Variants in MBD5 observed in about 807,000 individuals in gnomAD.
MBD5 encodes the protein methyl-CpG binding domain protein 5.
Under a neutral mutation model 117.3 loss-of-function variants are expected in MBD5, and 13 were observed. The ratio of observed to expected loss-of-function variants is 0.11; its 90% CI spans 0.07 to 0.18. MBD5 has a LOEUF of 0.18. Among genes scored for constraint, MBD5 ranks in the 10% least tolerant of loss-of-function variants. The pLI, the probability that MBD5 is intolerant of heterozygous loss-of-function variation, is 1.00. For missense variants in MBD5, 1,879 were observed against 2,093.8 expected (o/e 0.90, Z 2.00); for synonymous variants, 727 against 766.4 (o/e 0.95, Z 0.85).
intron 3 of MBD5, among the ~76,000 whole-genome samples, chr2:148,338,831 G>A (rs938701628): frequency 6.6e-6 from 1 of 152,100 alleles, no homozygotes; most frequent in Non-Finnish European, 1.5e-5. Context: ...AAGCTTTAAG[G>A]GACAGGCAGA....
chr2:148,322,288 T>G (rs1460855740), intron 3 of MBD5, among the ~76,000 whole-genome samples: 1 of 152,244 alleles, frequency 6.6e-6, no homozygotes, highest in Non-Finnish European at 1.5e-5. Flanking sequence ...CGTTCAAGTC[T>G]AAAGTAGAAT....
intron 2 of MBD5, among the ~76,000 whole-genome samples, chr2:148,211,147 A>C (rs567689052): frequency 7.9e-5 from 12 of 152,260 alleles, no homozygotes; most frequent in African/African-American, 2.9e-4. Flanking sequence ...ATTGAGATAG[A>C]TTTAGGGGGA....
chr2:148,105,948 T>C (rs1464850816), intron 1 of MBD5, among the ~76,000 whole-genome samples: 1 of 152,166 alleles, frequency 6.6e-6, no homozygotes, highest in East Asian at 1.9e-4. Flanking sequence ...TCTAGTTATA[T>C]TTTTGTTAAT....
At chr2:148,272,735 G>C (rs1312725853) in intron 3 of MBD5, among the ~76,000 whole-genome samples, 1 of 151,968 alleles carries the variant, frequency 6.6e-6, no homozygotes, top group African/African-American at 2.4e-5. Context: ...TCTATAGATT[G>C]TCTCTTCACT....
intron 1 of MBD5, among the ~76,000 whole-genome samples, chr2:148,143,990 A>G (rs1414661175): frequency 1.3e-5 from 2 of 152,132 alleles, no homozygotes; most frequent in Non-Finnish European, 2.9e-5. Flanking sequence ...GCTGGGTCAA[A>G]TGGTATTTCT....
chr2:148,476,278 C>T (rs187220899), intron 8 of MBD5, among the ~76,000 whole-genome samples: 63 of 152,298 alleles, frequency 4.1e-4, no homozygotes, highest in African/African-American at 1.3e-3. Context: ...AGGCCTGATC[C>T]TAAAGCAGTA....
At chr2:148,388,722 T>C (rs1010693722) in intron 4 of MBD5, among the ~76,000 whole-genome samples, 5 of 152,204 alleles carry the variant, frequency 3.3e-5, no homozygotes, top group Non-Finnish European at 7.3e-5. Flanking sequence ...TCTTCTCACA[T>C]GACCTTTTCT....
intron 4 of MBD5, among the ~76,000 whole-genome samples, chr2:148,369,310 A>G (rs1055718856): frequency 1.3e-5 from 2 of 152,066 alleles, no homozygotes; most frequent in Admixed American, 6.5e-5. Flanking sequence ...TTTTTTTTCA[A>G]TCTATAAAAT....
intron 1 of MBD5, among the ~76,000 whole-genome samples, chr2:148,103,646 C>T (rs1696290542): frequency 1.3e-5 from 2 of 152,150 alleles, no homozygotes; most frequent in African/African-American, 4.8e-5. Context: ...CCACCTTTTC[C>T]ATCCCATCAT....
At chr2:148,470,529 C>A in intron 8 of MBD5, 68 bp downstream of exon 8, 1 of 1,214,358 alleles carries the variant, frequency 8.2e-7, no homozygotes, top group Non-Finnish European at 1.1e-6. Context: ...AAATTTGTAC[C>A]AAAATATTTA....
rs552334974 is a variant in MBD5 at position 148,277,565 on chromosome 2, G to A, written c.-680+44170G>A. Among the ~76,000 whole-genome samples, 118 of 152,174 alleles carry A rather than the reference G, an allele frequency of 7.8e-4. 1 individual carries two copies. The highest frequency in any genetic ancestry group is 1.3e-3 in the Non-Finnish European group (91 of 67,984). On this transcript the variant is annotated intron_variant, in intron 3 of 13. Coordinates refer to ENST00000642680, the MANE Select transcript of MBD5 (RefSeq NM_001378120.1). ...TAGTCTCTTGAACTCTTTGCCTCAA[G>A]CAATGTAGTTTTTTATCTCTACTTT...
At chr2:148,480,953 G>A (rs1379669461) in intron 8 of MBD5, among the ~76,000 whole-genome samples, 2 of 152,108 alleles carry the variant, frequency 1.3e-5, no homozygotes, top group African/African-American at 4.8e-5. Flanking sequence ...TGTGTTGGAT[G>A]TGCAGATTTG....
chr2:148,432,440 C>G (rs1469295629), intron 4 of MBD5, among the ~76,000 whole-genome samples: 2 of 152,022 alleles, frequency 1.3e-5, no homozygotes, highest in Admixed American at 6.6e-5. Flanking sequence ...GAAATCTTTG[C>G]CAAGTCCTAT....
At chr2:148,290,635 T>C (rs150882810) in intron 3 of MBD5, among the ~76,000 whole-genome samples, 1 of 152,298 alleles carries the variant, frequency 6.6e-6, no homozygotes, top group Non-Finnish European at 1.5e-5. Flanking sequence ...TCTCTTCATT[T>C]CCTTTTACTC....
chr2:148,069,828 G>A (rs1194112561), intron 1 of MBD5, among the ~76,000 whole-genome samples: 2 of 151,988 alleles, frequency 1.3e-5, no homozygotes, highest in African/African-American at 4.8e-5. Flanking sequence ...CACAATATTT[G>A]TACCTTTTTA....
chr2:148,185,200 T>C (rs1157372630), intron 2 of MBD5, among the ~76,000 whole-genome samples: 1 of 152,230 alleles, frequency 6.6e-6, no homozygotes, highest in Non-Finnish European at 1.5e-5. Context: ...GACTGCCTCC[T>C]GCCCCAGATC....
chr2:148,510,048 C>T lies in MBD5; in HGVS notation c.5037-12C>T, dbSNP rs747054817. ...ATTTTTTAATCTGGTGTGTTGTTTT[C>T]ATTAATTCCAGAAGTGGAAAGCTAA... On this transcript the variant is annotated splice_polypyrimidine_tract_variant and intron_variant, in intron 12 of 13. Transcript: ENST00000642680. The T allele has an allele frequency of 6.3e-6, 10 of 1,592,080 alleles. No homozygotes were observed. In the South Asian group the frequency reaches 9.9e-5, roughly 16 times the overall value.
intron 1 of MBD5, among the ~76,000 whole-genome samples, chr2:148,154,589 C>G (rs71474145): frequency 2.0e-5 from 3 of 152,198 alleles, no homozygotes; most frequent in African/African-American, 4.8e-5. Context: ...GCGAGACTCC[C>G]TGGGCTTAGG....
intron 3 of MBD5, among the ~76,000 whole-genome samples, chr2:148,324,302 C>T (rs1299712959): frequency 3.3e-5 from 5 of 152,090 alleles, no homozygotes; most frequent in Non-Finnish European, 7.4e-5. Flanking sequence ...GTTCTTTTGG[C>T]TCAGGATTGA....
Sources: allele counts gnomAD v4.1 joint callset (sites outside exome capture counted in the v4.1 genomes callset), GRCh38; gene constraint gnomAD v4.1.1; transcripts MANE v1.5; gene names NCBI Gene and HGNC (gene_info 2026-07-23, HGNC 2026-07-21).